TMED8: variants seen among roughly 807,000 people sequenced by gnomAD.
TMED8 encodes transmembrane p24 trafficking protein family member 8, also known as protein TMED8.
TMED8 carries 15 observed loss-of-function variants against 32.7 expected under a neutral mutation model. The observed-to-expected ratio is 0.46, with a 90% CI of 0.31 to 0.71. TMED8 has a LOEUF of 0.71. Ranked by LOEUF, TMED8 falls within the 30% of genes least tolerant of loss-of-function variation. The pLI, the probability that TMED8 is intolerant of heterozygous loss-of-function variation, is 0.06. For synonymous variants in TMED8, 147 were observed against 161.4 expected (o/e 0.91, Z 0.68); for missense variants, 390 against 423.9 (o/e 0.92, Z 0.70).
chr14:77,345,586 G>C (rs1373382866), intron 3 of TMED8, among the ~76,000 whole-genome samples: 1 of 148,320 alleles, frequency 6.7e-6, no homozygotes, highest in Non-Finnish European at 1.5e-5. Flanking sequence ...CTCGAGCCCA[G>C]GATTTTGAGG....
In TMED8 at chr14:77,340,646, A is replaced by C. The variant is rs1892874529; in HGVS notation, c.*1125T>G. 1 of 152,216 alleles carries C rather than the reference A, an allele frequency of 6.6e-6. No individual in the cohort carries two copies. The highest frequency in any genetic ancestry group is 1.9e-4 in the East Asian group (1 of 5,188). 9.4% of individuals were successfully genotyped at this position (152,216 alleles called of 1,614,324 possible). On this transcript the variant is annotated 3_prime_UTR_variant, in exon 6 of 6. Coordinates refer to ENST00000216468, the MANE Select transcript of TMED8 (RefSeq NM_213601.3). The stretch of plus-strand genomic sequence containing the variant: ...GGAAATGCTGTCACCAGGGAAATGC[A>C]AGCTTTGGTCAGGTAAAGAACAAAT...
intron 1 of TMED8, among the ~76,000 whole-genome samples, chr14:77,357,230 C>T (rs1893310695): frequency 6.6e-6 from 1 of 152,076 alleles, no homozygotes; most frequent in Non-Finnish European, 1.5e-5. Context: ...ATATGTAATT[C>T]CTATTGTATT....
intron 2 of TMED8, among the ~76,000 whole-genome samples, chr14:77,349,106 CTTTTTTTTTT>C (rs33964835): frequency 2.2e-5 from 2 of 91,974 alleles, no homozygotes; most frequent in African/African-American, 4.6e-5. Context: ...CTCTAAGGCC[CTTTTTTTTTT>C]TTTTTTTTTT....
chr14:77,364,668 C>A (rs928823602), intron 1 of TMED8, among the ~76,000 whole-genome samples: 1 of 152,168 alleles, frequency 6.6e-6, no homozygotes, highest in Admixed American at 6.5e-5. Flanking sequence ...GCTGAGAATA[C>A]AGGCACCCTC....
chr14:77,342,145 T>G (rs1448362890), intron 5 of TMED8, among the ~76,000 whole-genome samples, 157 bp from the exon 6 acceptor site: 1 of 152,136 alleles, frequency 6.6e-6, no homozygotes, highest in Non-Finnish European at 1.5e-5. Context: ...GTCATCACAG[T>G]GACTATTAGG....
Position 77,372,930 on chromosome 14 carries a change from ATATATATATATATATATATATATTTTTT to A in TMED8, c.118+3978_118+4005del, listed in dbSNP as rs1379917250. 3.9e-3 allele frequency among the ~76,000 whole-genome samples: 113 copies of A among 28,794 alleles called. 2 individuals carry two copies. The highest frequency in any genetic ancestry group is 0.027 in the African/African-American group (107 of 3,898). 18.9% of individuals were successfully genotyped at this position (28,794 alleles called of 152,430 possible). The stretch of plus-strand genomic sequence containing the variant: ...ATTATATATATATATATATATATAT[ATATATATATATATATATATATATTTTTT>A]TTTTTTTTTTTTTTTTTTTTTTTTT... On this transcript the variant is annotated intron_variant, in intron 1 of 5. Transcript: ENST00000216468.
At chr14:77,374,034 G>A (rs1031096370) in intron 1 of TMED8, among the ~76,000 whole-genome samples, 1 of 152,144 alleles carries the variant, frequency 6.6e-6, no homozygotes, top group South Asian at 2.1e-4. Flanking sequence ...GCAATACCAT[G>A]AGCCAATTAA....
At chr14:77,350,038 TC>T (rs1385143208) in intron 2 of TMED8, among the ~76,000 whole-genome samples, 1 of 152,228 alleles carries the variant, frequency 6.6e-6, no homozygotes, top group Non-Finnish European at 1.5e-5. Flanking sequence ...TGGTTCCTAT[TC>T]TCAGGGGAGA....
chr14:77,370,965 C>A (rs951669558), intron 1 of TMED8, among the ~76,000 whole-genome samples: 1 of 151,678 alleles, frequency 6.6e-6, no homozygotes, highest in African/African-American at 2.4e-5. Context: ...AAAAAAAGGT[C>A]GGGGGGAGCA....
intron 2 of TMED8, among the ~76,000 whole-genome samples, chr14:77,348,958 C>A (rs1252987655): frequency 6.6e-6 from 1 of 152,060 alleles, no homozygotes; most frequent in Non-Finnish European, 1.5e-5. Context: ...GCTCTTCAAC[C>A]CAGAAATTAT....
chr14:77,372,937 TA>T (rs1566696468), intron 1 of TMED8, among the ~76,000 whole-genome samples: 52 of 34,070 alleles, frequency 1.5e-3, no homozygotes, highest in African/African-American at 2.1e-3. Context: ...TATATATATA[TA>T]TATATATATA....
At chr14:77,353,553 C>T (rs892582668) in intron 1 of TMED8, among the ~76,000 whole-genome samples, 3 of 150,656 alleles carry the variant, frequency 2.0e-5, no homozygotes, top group African/African-American at 4.9e-5. Context: ...CAGGTTCAAG[C>T]GATCCTCTCA....
At position 77,341,805 on chromosome 14, in the gene TMED8, T is replaced by C; in HGVS notation, c.944A>G (p.Lys315Arg). 2 of 1,613,916 alleles carry C rather than the reference T, an allele frequency of 1.2e-6. No individual in the cohort carries two copies. The highest frequency in any genetic ancestry group is 8.5e-7 in the Non-Finnish European group (1 of 1,180,014). The change falls in exon 6 of 6, where the codon AAG (lysine) becomes AGG (arginine). Residue 315 changes from lysine to arginine, a missense_variant. By Grantham distance (26) the Lys-to-Arg change is conservative. Transcript: ENST00000216468. The part of the protein sequence containing the change: ...FDNSYSLLRN[K>R]TLYFHIYYTS ...GTAGTAGATGTGGAAGTAGAGAGTC[T>C]TGTTGCGCAGCAGGGAGTAGGAGTT... is the stretch of plus-strand genomic sequence containing the variant.
At chr14:77,369,660 C>T (rs1271715726) in intron 1 of TMED8, among the ~76,000 whole-genome samples, 2 of 152,224 alleles carry the variant, frequency 1.3e-5, no homozygotes, top group Non-Finnish European at 2.9e-5. Context: ...GTCCTTGGAT[C>T]TCTATAGCTC....
At chr14:77,365,320 G>C (rs1893528363) in intron 1 of TMED8, among the ~76,000 whole-genome samples, 1 of 152,196 alleles carries the variant, frequency 6.6e-6, no homozygotes, top group Non-Finnish European at 1.5e-5. Flanking sequence ...ACTCAGCCTA[G>C]TGAGGAAGAT....
rs544205206 is a variant in TMED8 at position 77,345,924 on chromosome 14, G to A, written c.327+425C>T. ...GTGGAGGTTGCAGTGAGCCAAGATC[G>A]TGCCACTGCACTCCAGCCTGGGCGA... On this transcript the variant is annotated intron_variant, in intron 3 of 5. Transcript: ENST00000216468. Among the ~76,000 whole-genome samples the A allele has an allele frequency of 1.2e-4, 18 of 144,558 alleles. No individual in the cohort carries two copies. The East Asian group carries it at 3.4e-3, about 27-fold the overall frequency. 94.8% of individuals were successfully genotyped at this position (144,558 alleles called of 152,430 possible).
At chr14:77,346,247 C>T (rs1893028381) in intron 3 of TMED8, 102 bp downstream of exon 3, 2 of 1,263,958 alleles carry the variant, frequency 1.6e-6, no homozygotes, top group Admixed American at 5.3e-5. Flanking sequence ...AGAGAGAATT[C>T]CGGGAGCCAC....
chr14:77,372,942 ATATATATATATTTTTTTTTTTTTT>A (rs1893722449), intron 1 of TMED8, among the ~76,000 whole-genome samples: 1 of 24,622 alleles, frequency 4.1e-5, no homozygotes, highest in Non-Finnish European at 6.5e-5. Flanking sequence ...ATATATATAT[ATATATATATATTTTTTTTTTTTTT>A]TTTTTTTTTT....
rs573923748 is a variant in TMED8 at position 77,352,086 on chromosome 14, G to A, written c.119-335C>T. On this transcript the variant is annotated intron_variant, in intron 1 of 5. Transcript: ENST00000216468. ...AGGCCAAGGCAGGAGGATTGCTTGA[G>A]ACCAGGAGTTCAAAACCAGCCTGGG... 3.9e-5 allele frequency among the ~76,000 whole-genome samples: 6 copies of A among 152,254 alleles called. No individual in the cohort carries two copies. In the East Asian group the frequency reaches 9.6e-4, roughly 24 times the overall value.
Sources: allele counts gnomAD v4.1 joint callset (sites outside exome capture counted in the v4.1 genomes callset), GRCh38; gene constraint gnomAD v4.1.1; transcripts MANE v1.5; gene names NCBI Gene and HGNC (gene_info 2026-07-23, HGNC 2026-07-21).